SLCO6A1: variants seen among roughly 807,000 people sequenced by gnomAD.
SLCO6A1 encodes the protein cancer/testis antigen 48.
SLCO6A1 carries 65 observed loss-of-function variants against 72.7 expected under a neutral mutation model. The ratio of observed to expected loss-of-function variants is 0.89; its 90% CI spans 0.73 to 1.10. SLCO6A1 has a LOEUF of 1.10. Ranked by LOEUF, SLCO6A1 falls within the 50% of genes least tolerant of loss-of-function variation. The pLI is 0.00. For missense variants in SLCO6A1, 874 were observed against 872.6 expected, an observed-to-expected ratio of 1.00 and a Z score of -0.02; for synonymous variants, 314 against 298.2, an observed-to-expected ratio of 1.05 and a Z score of -0.55.
intron 10 of SLCO6A1, among the ~76,000 whole-genome samples, chr5:102,398,073 T>C (rs1747194933): frequency 6.6e-6 from 1 of 152,214 alleles, no homozygotes; most frequent in African/African-American, 2.4e-5. Flanking sequence ...TTGTATTTCA[T>C]ATTTTAGTTA....
At chr5:102,374,177 T>A (rs1745650047) in intron 12 of SLCO6A1, among the ~76,000 whole-genome samples, 1 of 152,064 alleles carries the variant, frequency 6.6e-6, no homozygotes, top group African/African-American at 2.4e-5. Flanking sequence ...CACACCTGTC[T>A]AATTTTTATA....
intron 12 of SLCO6A1, among the ~76,000 whole-genome samples, chr5:102,387,666 G>T (rs1381700556): frequency 6.6e-6 from 1 of 151,998 alleles, no homozygotes; most frequent in African/African-American, 2.4e-5. Flanking sequence ...ACAGATATTT[G>T]TTACTCTTAA....
In SLCO6A1 at chr5:102,478,145, C is replaced by T. The variant is rs143424149; in HGVS notation, c.617-284G>A. Among the ~76,000 whole-genome samples the T allele has an allele frequency of 5.5e-3, 836 of 151,998 alleles. 4 individuals are homozygous for T. Among genetic ancestry groups the T allele is most frequent in the African/African-American group, 0.019 (803 of 41,414 alleles). ...GACAAGCCTGGGCAACATATTGTGA[C>T]CCCGTCTCCAAAATAAAAAATAAAA... On this transcript the variant is annotated intron_variant, in intron 2 of 13. Coordinates refer to ENST00000506729, the MANE Select transcript of SLCO6A1 (RefSeq NM_173488.5).
intron 6 of SLCO6A1, among the ~76,000 whole-genome samples, chr5:102,448,880 T>C (rs963677466): frequency 5.9e-5 from 9 of 152,192 alleles, no homozygotes; most frequent in Non-Finnish European, 1.2e-4. Flanking sequence ...TCAAGGTTAA[T>C]ATTCATATGT....
At chr5:102,451,358 G>T (rs10463981) in intron 6 of SLCO6A1, among the ~76,000 whole-genome samples, 1 of 151,962 alleles carries the variant, frequency 6.6e-6, no homozygotes, top group Non-Finnish European at 1.5e-5. Context: ...TGTAGTGGAG[G>T]CTAGGCCCTC....
chr5:102,385,895 G>A (rs1746392852), intron 12 of SLCO6A1, among the ~76,000 whole-genome samples: 1 of 149,744 alleles, frequency 6.7e-6, no homozygotes, highest in African/African-American at 2.5e-5. Flanking sequence ...TGAATTCCTG[G>A]GCTCAAATGA....
chr5:102,388,205 C>G (rs577870088), intron 12 of SLCO6A1, among the ~76,000 whole-genome samples: 38 of 152,262 alleles, frequency 2.5e-4, no homozygotes, highest in Middle Eastern at 3.4e-3. Flanking sequence ...ATTTCCCAAA[C>G]TAAAATTCTG....
At position 102,498,760 on chromosome 5, in the gene SLCO6A1, G is replaced by T; in HGVS notation, c.85C>A (p.Pro29Thr). 2 of 1,614,108 alleles carry T rather than the reference G, an allele frequency of 1.2e-6. No individual in the cohort carries two copies. The highest frequency in any genetic ancestry group is 1.7e-6 in the Non-Finnish European group (2 of 1,180,024). ...VEPLEAARAQ[P>T]AKDRRAKGTP... ...CCCTTGGCCCTCCTGTCCTTAGCAG[G>T]CTGGGCCCGCGCGGCCTCCAGCGGC... The change falls in exon 1 of 14, where the codon CCT (proline) becomes ACT (threonine). Residue 29 changes from proline (P) to threonine (T), a missense_variant. By Grantham distance (38) the Pro-to-Thr change is conservative. Coordinates refer to ENST00000506729, the MANE Select transcript of SLCO6A1 (RefSeq NM_173488.5).
At chr5:102,486,255 T>C (rs1247678928) in intron 1 of SLCO6A1, among the ~76,000 whole-genome samples, 2 of 152,202 alleles carry the variant, frequency 1.3e-5, no homozygotes, top group South Asian at 2.1e-4. Context: ...TTAAAGGATT[T>C]CTAAAATAAA....
intron 4 of SLCO6A1, among the ~76,000 whole-genome samples, chr5:102,468,563 G>C (rs1222289898): frequency 1.3e-5 from 2 of 151,958 alleles, no homozygotes; most frequent in East Asian, 3.9e-4. Flanking sequence ...TGTTGAACTA[G>C]ACTTTTTATC....
intron 6 of SLCO6A1, among the ~76,000 whole-genome samples, chr5:102,445,047 C>G (rs1449016186): frequency 1.3e-5 from 2 of 152,158 alleles, no homozygotes; most frequent in Non-Finnish European, 2.9e-5. Flanking sequence ...ATGCATGTGT[C>G]TTTATGATAG....
At chr5:102,390,694 C>T (rs1746706148) in intron 11 of SLCO6A1, among the ~76,000 whole-genome samples, 1 of 152,054 alleles carries the variant, frequency 6.6e-6, no homozygotes, top group Non-Finnish European at 1.5e-5. Context: ...TTTGTATGAG[C>T]CTACCAAACC....
chr5:102,469,759 A>G (rs1751506445), intron 4 of SLCO6A1, among the ~76,000 whole-genome samples: 1 of 152,104 alleles, frequency 6.6e-6, no homozygotes, highest in South Asian at 2.1e-4. Flanking sequence ...GAATGCTTCC[A>G]GTTTTTGCCC....
chr5:102,379,551 A>G (rs1745995620), intron 12 of SLCO6A1, among the ~76,000 whole-genome samples: 1 of 152,130 alleles, frequency 6.6e-6, no homozygotes. Context: ...ATCGTAAATT[A>G]GTTGAGTGTG....
At chr5:102,467,025 A>T (rs1175101469) in intron 4 of SLCO6A1, among the ~76,000 whole-genome samples, 2 of 152,048 alleles carry the variant, frequency 1.3e-5, no homozygotes, top group Admixed American at 6.6e-5. Context: ...GTTTAATCAG[A>T]TCTCAATCGT....
At position 102,458,385 on chromosome 5, in the gene SLCO6A1, A is replaced by T. The variant is rs759170754; in HGVS notation, c.1128T>A (p.Leu376=). ...GTNIKDLCAA[L]WILMKNPVLI... ...CAAGTAAAATATTTTACTTTACCCA[A>T]AGAGCAGCACATAAATCCTTGATAT... The change falls in exon 6 of 14, where the codon CTT becomes CTA. Residue 376 remains leucine (L), a synonymous_variant. Coordinates refer to ENST00000506729, the MANE Select transcript of SLCO6A1 (RefSeq NM_173488.5). 43 of 1,601,254 alleles carry T rather than the reference A, an allele frequency of 2.7e-5. No homozygotes were observed. In the Admixed American group the frequency reaches 2.9e-4, roughly 11 times the overall value.
Position 102,391,044 on chromosome 5 carries a change from C to A in SLCO6A1, c.1816G>T (p.Val606Phe). ...GVPIVLAMTR[V>F]VPDKLRSLAL... Reference sequence around the variant, plus strand: ...AGAGAACGCAGTTTGTCAGGTACAACCCTGAAAGTAAATAGCAATGATATA... The same window carrying A: ...AGAGAACGCAGTTTGTCAGGTACAAACCTGAAAGTAAATAGCAATGATATA... The change falls in exon 11 of 14, where the codon GTT (valine) becomes TTT (phenylalanine). Residue 606 changes from valine to phenylalanine, a missense_variant and splice_region_variant. Coordinates refer to ENST00000506729, the MANE Select transcript of SLCO6A1 (RefSeq NM_173488.5). 6.2e-7 allele frequency: 1 copy of A among 1,612,818 alleles called. No individual in the cohort carries two copies. The highest frequency in any genetic ancestry group is 8.5e-7 in the Non-Finnish European group (1 of 1,178,986).
intron 6 of SLCO6A1, among the ~76,000 whole-genome samples, chr5:102,455,467 G>T (rs1750660326): frequency 6.6e-6 from 1 of 152,034 alleles, no homozygotes; most frequent in Non-Finnish European, 1.5e-5. Context: ...ATTTAAGTTG[G>T]TGTTTTTTAA....
intron 6 of SLCO6A1, among the ~76,000 whole-genome samples, chr5:102,442,604 C>T (rs1749897569): frequency 6.6e-6 from 1 of 152,176 alleles, no homozygotes; most frequent in South Asian, 2.1e-4. Flanking sequence ...ACACAGATCG[C>T]AGCTCCTATT....
Sources: gnomAD v4.1 joint callset for allele counts (sites outside exome capture counted in the v4.1 genomes callset) on GRCh38, gnomAD v4.1.1 for gene constraint, MANE v1.5 for transcripts, NCBI Gene and HGNC (gene_info 2026-07-23, HGNC 2026-07-21) for gene names.